USH2A: variants seen among roughly 807,000 people sequenced by gnomAD.
The protein encoded by USH2A is usherin.
In USH2A, 443 loss-of-function variants were observed where a neutral mutation model predicts 538.9. The observed-to-expected ratio is 0.82, with a 90% CI of 0.76 to 0.89. The LOEUF is 0.89. Among genes scored for constraint, USH2A ranks in the 40% least tolerant of loss-of-function variants. USH2A has a pLI of 0.00. For missense variants in USH2A, 6,633 were observed against 6,324.8 expected, an observed-to-expected ratio of 1.05 and a Z score of -1.65; for synonymous variants, 2,413 against 2,273.5, an observed-to-expected ratio of 1.06 and a Z score of -1.75.
intron 59 of USH2A, 47 bp from the exon 60 acceptor site, chr1:215,741,584 A>G: frequency 1.3e-6 from 2 of 1,599,328 alleles, no homozygotes; most frequent in Non-Finnish European, 1.7e-6. Flanking sequence ...CAAGCAAGGA[A>G]AAGAACTACA....
intron 41 of USH2A, among the ~76,000 whole-genome samples, chr1:215,881,663 T>G (rs565028198): frequency 3.3e-4 from 51 of 152,320 alleles, no homozygotes; most frequent in African/African-American, 1.1e-3. Flanking sequence ...GTTATTGGCC[T>G]GAATAAGCAA....
chr1:216,096,307 A>G (rs60354981), intron 22 of USH2A, among the ~76,000 whole-genome samples: 6,624 of 152,158 alleles, frequency 0.044, 478 homozygotes, highest in African/African-American at 0.15. Context: ...AATATTTGCT[A>G]TTTCCTTAAT....
chr1:215,986,628 AGT>A (rs1324447628), intron 35 of USH2A, among the ~76,000 whole-genome samples: 3 of 152,184 alleles, frequency 2.0e-5, no homozygotes, highest in Non-Finnish European at 4.4e-5. Context: ...TAGGTCTCTA[AGT>A]GTGTGCTTTA....
chr1:216,020,064 A>C (rs1408843683), intron 32 of USH2A, among the ~76,000 whole-genome samples: 1 of 152,160 alleles, frequency 6.6e-6, no homozygotes, highest in African/African-American at 2.4e-5. Context: ...TTCTCTTTTA[A>C]AACAGCAATT....
intron 4 of USH2A, among the ~76,000 whole-genome samples, chr1:216,330,778 T>C (rs943704351): frequency 5.3e-5 from 8 of 151,948 alleles, no homozygotes; most frequent in Non-Finnish European, 1.2e-4. Flanking sequence ...GACTAGAATA[T>C]AGGAAGATAA....
At chr1:216,337,549 C>T (rs1242085730) in intron 4 of USH2A, among the ~76,000 whole-genome samples, 2 of 151,336 alleles carry the variant, frequency 1.3e-5, no homozygotes, top group African/African-American at 4.8e-5. Context: ...AAGTTTTTAA[C>T]GTGATATGGC....
At chr1:216,204,190 C>A (rs1296773040) in intron 16 of USH2A, 1 of 152,562 alleles carries the variant, frequency 6.6e-6, no homozygotes, top group Non-Finnish European at 1.5e-5. Flanking sequence ...CCTAAACCTG[C>A]AACACTAACA....
chr1:216,175,445 G>A lies in USH2A; in HGVS notation c.4434C>T (p.Ile1478=), dbSNP rs1489244735. The change falls in exon 21 of 72, where the codon ATC becomes ATT. Residue 1478 remains isoleucine (I), a synonymous_variant. Transcript: ENST00000307340. The part of the protein sequence containing the change: ...AQLRPPLVKG[I]NSTTIHLRWF... ...ACCTAAGATGGATTGTTGTGCTGTT[G>A]ATTCCTTTAACCAGAGGTGGCCTCA... 6.2e-7 allele frequency: 1 copy of A among 1,613,808 alleles called. No homozygotes were observed.
intron 58 of USH2A, among the ~76,000 whole-genome samples, chr1:215,754,596 C>A (rs1387168946): frequency 6.6e-6 from 1 of 152,116 alleles, no homozygotes; most frequent in African/African-American, 2.4e-5. Context: ...TTTTGGCTTC[C>A]CTGGGCCACA....
At chr1:216,141,718 A>G (rs2033607072) in intron 21 of USH2A, among the ~76,000 whole-genome samples, 1 of 152,196 alleles carries the variant, frequency 6.6e-6, no homozygotes, top group Non-Finnish European at 1.5e-5. Context: ...CCATGTTTCT[A>G]TAAAATACTT....
chr1:216,264,430 T>C (rs2036433024), intron 11 of USH2A, among the ~76,000 whole-genome samples: 1 of 152,060 alleles, frequency 6.6e-6, no homozygotes, highest in South Asian at 2.1e-4. Flanking sequence ...CCTGAGTAGC[T>C]GAGATTACAG....
chr1:215,625,995 C>G (rs1571912367), intron 71 of USH2A, 125 bp from the exon 72 acceptor site: 2 of 920,818 alleles, frequency 2.2e-6, no homozygotes, highest in Non-Finnish European at 3.4e-6. Context: ...TTCTCAACAC[C>G]ATGGTGGGGT....
At position 216,292,349 on chromosome 1, in the gene USH2A, A is replaced by T. The variant is rs1222582781; in HGVS notation, c.1666T>A (p.Tyr556Asn). The T allele has an allele frequency of 6.2e-7, 1 of 1,614,004 alleles. No individual in the cohort carries two copies. Among genetic ancestry groups the T allele is most frequent in the Non-Finnish European group, 8.5e-7 (1 of 1,179,930 alleles). ...GLHCDRCLPL[Y>N]NDKPFRQGDQ... ...CCTTGGCGGAAAGGCTTGTCATTAT[A>T]AAGAGGCAAGCAGCGATCACACTAG... The change falls in exon 10 of 72, where the codon TAT becomes AAT. Residue 556 changes from tyrosine to asparagine, a missense_variant. Physicochemically the swap from Tyr to Asn is moderately radical, Grantham distance 143. Coordinates refer to ENST00000307340, the MANE Select transcript of USH2A (RefSeq NM_206933.4).
chr1:216,002,728 C>A (rs1418897281), intron 32 of USH2A, among the ~76,000 whole-genome samples: 1 of 152,040 alleles, frequency 6.6e-6, no homozygotes, highest in African/African-American at 2.4e-5. Context: ...TTACATTCTA[C>A]TTTGCTGGGG....
chr1:216,369,557 C>G (rs185923899), intron 3 of USH2A, among the ~76,000 whole-genome samples: 8 of 152,278 alleles, frequency 5.3e-5, no homozygotes, highest in Admixed American at 3.9e-4. Context: ...CTCAAGTCCT[C>G]TCTTCTCCAA....
At chr1:215,911,122 G>C (rs1665770660) in intron 38 of USH2A, among the ~76,000 whole-genome samples, 1 of 151,702 alleles carries the variant, frequency 6.6e-6, no homozygotes, top group Non-Finnish European at 1.5e-5. Flanking sequence ...GAGATGTTTT[G>C]ATACAGGCAT....
chr1:215,920,044 T>TA (rs1489376109), intron 38 of USH2A, among the ~76,000 whole-genome samples: 12 of 151,588 alleles, frequency 7.9e-5, no homozygotes, highest in African/African-American at 2.9e-4. Flanking sequence ...TCATTTGATA[T>TA]AAAATGTCAG....
At chr1:215,964,777 T>C (rs760501813) in intron 37 of USH2A, among the ~76,000 whole-genome samples, 1 of 152,102 alleles carries the variant, frequency 6.6e-6, no homozygotes, top group Non-Finnish European at 1.5e-5. Context: ...AATCAGATAG[T>C]TTTTGAAAAT....
intron 70 of USH2A, among the ~76,000 whole-genome samples, chr1:215,630,864 T>TA (rs564956710): frequency 0.031 from 4,254 of 135,242 alleles, 100 homozygotes; most frequent in South Asian, 0.099. Flanking sequence ...ACAAACAAAT[T>TA]AAAAAAAAAA....
Sources: allele counts gnomAD v4.1 joint callset (sites outside exome capture counted in the v4.1 genomes callset), GRCh38; gene constraint gnomAD v4.1.1; transcripts MANE v1.5; gene names NCBI Gene and HGNC (gene_info 2026-07-23, HGNC 2026-07-21).